The following DACH2 variants were observed in gnomAD, a reference collection of about 807,000 sequenced individuals.
The protein encoded by DACH2 is dachshund homolog 2.
DACH2 carries 17 observed loss-of-function variants against 35.8 expected under a neutral mutation model. The observed-to-expected ratio is 0.48, with a 90% CI of 0.33 to 0.71. The LOEUF (loss-of-function observed/expected upper bound fraction) is 0.71. DACH2 is among the 30% of genes least tolerant of loss of function. The pLI, the probability that DACH2 is intolerant of heterozygous loss-of-function variation, is 0.02. For synonymous variants in DACH2, 195 were observed against 177.3 expected, an observed-to-expected ratio of 1.10 and a Z score of -0.79; for missense variants, 469 against 472.7, an observed-to-expected ratio of 0.99 and a Z score of 0.07.
intron 1 of DACH2, among the ~76,000 whole-genome samples, chrX:86,238,985 C>G (rs1424612340): frequency 1.8e-5 from 2 of 110,969 alleles, no homozygotes; most frequent in African/African-American, 6.5e-5. Context: ...GGGGTGACTG[C>G]TAAAAGTGAG....
chrX:86,243,449 T>A (rs958845120), intron 1 of DACH2, among the ~76,000 whole-genome samples: 2 of 112,088 alleles, frequency 1.8e-5, no homozygotes, highest in Non-Finnish European at 3.8e-5. Flanking sequence ...CACACTAAAA[T>A]TCATGTTTTT....
chrX:86,331,474 A>G (rs1273775057), intron 1 of DACH2, among the ~76,000 whole-genome samples: 1 of 110,773 alleles, frequency 9.0e-6, no homozygotes, highest in Non-Finnish European at 1.9e-5. Flanking sequence ...AAACAAACAA[A>G]CAAACAAACA....
intron 7 of DACH2, among the ~76,000 whole-genome samples, chrX:86,788,071 G>A (rs560324575): frequency 1.8e-5 from 2 of 111,065 alleles, no homozygotes; most frequent in African/African-American, 6.5e-5. Flanking sequence ...GTCTGCATAG[G>A]TAGTGGCCTG....
rs1408396742 is a variant in DACH2, at chrX:86,785,967, C to T, written c.1241-26889C>T. ...TGATGATTCCTATCTCAGAATTCGA[C>T]AATCATATCACAAGAAGAAACTCTC... On this transcript the variant is annotated intron_variant, in intron 7 of 11. Coordinates refer to ENST00000373125, the MANE Select transcript of DACH2 (RefSeq NM_053281.3). Among the ~76,000 whole-genome samples the T allele has an allele frequency of 1.4e-4, 16 of 111,219 alleles. No homozygotes were observed. In the Admixed American group the frequency reaches 1.5e-3, roughly 11 times the overall value.
intron 5 of DACH2, among the ~76,000 whole-genome samples, chrX:86,703,467 G>A (rs960727153): frequency 1.8e-5 from 2 of 111,048 alleles, no homozygotes; most frequent in Non-Finnish European, 3.8e-5. Context: ...AATAGGAAAA[G>A]AGGACGTTAA....
chrX:86,666,639 A>C (rs2040672720), intron 4 of DACH2, among the ~76,000 whole-genome samples: 1 of 111,630 alleles, frequency 9.0e-6, no homozygotes, highest in Admixed American at 9.5e-5. Flanking sequence ...TGATGTGTAA[A>C]ATAGTAAGTG....
intron 1 of DACH2, among the ~76,000 whole-genome samples, chrX:86,213,640 G>A (rs148973855): frequency 4.1e-3 from 447 of 110,219 alleles, no homozygotes; most frequent in Non-Finnish European, 5.5e-3. Flanking sequence ...CCCAATTTAC[G>A]CCCATGCCTA....
chrX:86,690,736 TCTAA>T (rs1470392424), intron 4 of DACH2, among the ~76,000 whole-genome samples: 3 of 112,102 alleles, frequency 2.7e-5, no homozygotes, highest in Non-Finnish European at 5.6e-5. Context: ...TTACACTGAT[TCTAA>T]CTAAGAATAT....
chrX:86,434,717 T>C (rs2148175381), intron 2 of DACH2, among the ~76,000 whole-genome samples: 1 of 111,703 alleles, frequency 9.0e-6, no homozygotes, highest in Non-Finnish European at 1.9e-5. Flanking sequence ...ACTGTATTAG[T>C]CCATTCTTGC....
chrX:86,303,342 A>G (rs6524628), intron 1 of DACH2, among the ~76,000 whole-genome samples: 52,096 of 108,458 alleles, frequency 0.48, 9,735 homozygotes, highest in Non-Finnish European at 0.58. Flanking sequence ...TTTTGCGTTC[A>G]CTTTTTGACC....
intron 1 of DACH2, among the ~76,000 whole-genome samples, chrX:86,290,973 A>T (rs1011832327): frequency 9.1e-6 from 1 of 109,361 alleles, no homozygotes; most frequent in Non-Finnish European, 1.9e-5. Context: ...AGTCATTGGT[A>T]GCTTGATGGG....
intron 1 of DACH2, among the ~76,000 whole-genome samples, chrX:86,203,753 G>T (rs1201674615): frequency 4.5e-5 from 5 of 111,505 alleles, no homozygotes; most frequent in Non-Finnish European, 9.4e-5. Flanking sequence ...TTTCTAACAG[G>T]CTCCTCAGAT....
At chrX:86,185,301 G>T (rs760516997) in intron 1 of DACH2, among the ~76,000 whole-genome samples, 3 of 111,844 alleles carry the variant, frequency 2.7e-5, no homozygotes, top group East Asian at 2.8e-4. Flanking sequence ...TGTAGGCAAG[G>T]TTCTCAGTTT....
rs186155862 is a variant in DACH2, at chrX:86,243,355, G to A, written c.488+94247G>A. Among the ~76,000 whole-genome samples the A allele has an allele frequency of 2.6e-3, 291 of 111,989 alleles. 1 individual carries two copies. Among genetic ancestry groups the A allele is most frequent in the African/African-American group, 9.0e-3 (277 of 30,896 alleles). ...ACTTTTCTAAAGAAAGTAACTATGT[G>A]TGATGATAATATGTGTTAATTTGTT... On this transcript the variant is annotated intron_variant, in intron 1 of 11. Coordinates refer to ENST00000373125, the MANE Select transcript of DACH2 (RefSeq NM_053281.3).
chrX:86,185,321 A>G (rs2031649986), intron 1 of DACH2, among the ~76,000 whole-genome samples: 1 of 111,896 alleles, frequency 8.9e-6, no homozygotes, highest in Non-Finnish European at 1.9e-5. Flanking sequence ...TCTTCAGAAT[A>G]TAGGGCAGCA....
At chrX:86,609,424 C>T (rs1240687565) in intron 3 of DACH2, among the ~76,000 whole-genome samples, 1 of 112,177 alleles carries the variant, frequency 8.9e-6, no homozygotes, top group Admixed American at 9.5e-5. Flanking sequence ...AATTCTCTGT[C>T]AGAAAGTTCA....
chrX:86,646,798 T>C (rs1021916417), intron 3 of DACH2, among the ~76,000 whole-genome samples: 3 of 109,830 alleles, frequency 2.7e-5, no homozygotes, highest in African/African-American at 9.9e-5. Flanking sequence ...TATGGATGTA[T>C]GAAACTGACA....
chrX:86,261,377 A>G (rs1187042650), intron 1 of DACH2, among the ~76,000 whole-genome samples: 1 of 112,016 alleles, frequency 8.9e-6, no homozygotes, highest in Non-Finnish European at 1.9e-5. Context: ...GCACCAAAAC[A>G]ATTGGTAGTA....
intron 7 of DACH2, among the ~76,000 whole-genome samples, chrX:86,755,212 G>A (rs932892463): frequency 7.2e-5 from 8 of 111,131 alleles, no homozygotes; most frequent in Admixed American, 5.8e-4. Flanking sequence ...CTATTTTTAC[G>A]TCTTCCTTTG....
Sources: allele counts gnomAD v4.1 joint callset (sites outside exome capture counted in the v4.1 genomes callset), GRCh38; gene constraint gnomAD v4.1.1; transcripts MANE v1.5; gene names NCBI Gene and HGNC (gene_info 2026-07-23, HGNC 2026-07-21).